Variants in IQCJ observed in about 807,000 individuals in gnomAD.
The protein encoded by IQCJ is IQ domain-containing protein J.
Under a neutral mutation model 11.0 loss-of-function variants are expected in IQCJ, and 9 were observed. The ratio of observed to expected loss-of-function variants is 0.82; its 90% CI spans 0.49 to 1.43. The LOEUF (loss-of-function observed/expected upper bound fraction) is 1.43. Ranked by LOEUF, IQCJ falls within the 40% of genes most tolerant of loss-of-function variation. IQCJ has a pLI of 0.00. For missense variants in IQCJ, 146 were observed against 133.2 expected (o/e 1.10, Z -0.47); for synonymous variants, 55 against 51.3 (o/e 1.07, Z -0.31).
At chr3:159,142,797 G>A (rs1049185847) in intron 1 of IQCJ, among the ~76,000 whole-genome samples, 15 of 151,660 alleles carry the variant, frequency 9.9e-5, no homozygotes, top group African/African-American at 3.6e-4. Context: ...ACATAATATT[G>A]GCTTTCTCAC....
chr3:159,244,998 T>C (rs112284108), intron 1 of IQCJ, among the ~76,000 whole-genome samples: 2 of 152,252 alleles, frequency 1.3e-5, no homozygotes, highest in African/African-American at 2.4e-5. Flanking sequence ...CCTGCCATGA[T>C]TGATAAGACT....
At chr3:159,235,422 T>G (rs1422356156) in intron 1 of IQCJ, among the ~76,000 whole-genome samples, 1 of 152,186 alleles carries the variant, frequency 6.6e-6, no homozygotes, top group African/African-American at 2.4e-5. Context: ...CTAGCAAAAG[T>G]TTTGAGACCA....
intron 1 of IQCJ, among the ~76,000 whole-genome samples, chr3:159,232,947 A>G (rs534823215): frequency 2.0e-5 from 3 of 152,276 alleles, no homozygotes; most frequent in African/African-American, 7.2e-5. Flanking sequence ...GACAGATAGG[A>G]CTTAACATCC....
intron 1 of IQCJ, among the ~76,000 whole-genome samples, chr3:159,109,527 T>TAAAAAAA (rs3051445): frequency 0.16 from 19,181 of 121,108 alleles, 1,766 homozygotes; most frequent in Admixed American, 0.26. Context: ...TTGTATTAAC[T>TAAAAAAA]AAAAAAAAAA....
chr3:159,259,601 A>G (rs548384660), intron 3 of IQCJ, among the ~76,000 whole-genome samples: 1 of 152,356 alleles, frequency 6.6e-6, no homozygotes, highest in South Asian at 2.1e-4. Flanking sequence ...AGATGGTATT[A>G]AGACAGCTTA....
At chr3:159,207,974 T>C (rs1724749950) in intron 1 of IQCJ, among the ~76,000 whole-genome samples, 1 of 152,210 alleles carries the variant, frequency 6.6e-6, no homozygotes, top group Admixed American at 6.5e-5. Context: ...ATTAGGGCTA[T>C]GGTGCAGAGC....
At chr3:159,089,432 T>A (rs370440216) in intron 1 of IQCJ, among the ~76,000 whole-genome samples, 32 of 152,088 alleles carry the variant, frequency 2.1e-4, no homozygotes, top group Non-Finnish European at 3.1e-4. Flanking sequence ...ATCTTTGTGG[T>A]GTTCTCTGTA....
chr3:159,170,483 G>A (rs1029201691), intron 1 of IQCJ, among the ~76,000 whole-genome samples: 6 of 152,070 alleles, frequency 3.9e-5, no homozygotes, highest in Non-Finnish European at 7.4e-5. Flanking sequence ...AGTTTTGGCC[G>A]GTTTGCTATT....
At chr3:159,161,343 T>C (rs1721844110) in intron 1 of IQCJ, among the ~76,000 whole-genome samples, 1 of 152,254 alleles carries the variant, frequency 6.6e-6, no homozygotes, top group Non-Finnish European at 1.5e-5. Context: ...GAGAAGTGTC[T>C]GTTCATGTCC....
chr3:159,131,044 G>A (rs562454357), intron 1 of IQCJ, among the ~76,000 whole-genome samples: 2 of 152,258 alleles, frequency 1.3e-5, no homozygotes, highest in Non-Finnish European at 2.9e-5. Context: ...AGAAGGCAAA[G>A]TATGTAAAAG....
intron 1 of IQCJ, among the ~76,000 whole-genome samples, chr3:159,205,733 G>A (rs900111675): frequency 6.6e-6 from 1 of 152,200 alleles, no homozygotes; most frequent in African/African-American, 2.4e-5. Context: ...GCTATGTGGA[G>A]GGGTTTGCTT....
chr3:159,070,178 G>A (rs1413817066), intron 1 of IQCJ: 2 of 155,012 alleles, frequency 1.3e-5, no homozygotes, highest in Non-Finnish European at 2.9e-5. Flanking sequence ...CATTCACACT[G>A]TACATTTAGG....
At chr3:159,072,874 C>CA (rs1172710700) in intron 1 of IQCJ, among the ~76,000 whole-genome samples, 1 of 152,004 alleles carries the variant, frequency 6.6e-6, no homozygotes, top group Admixed American at 6.6e-5. Flanking sequence ...AGCCACTATA[C>CA]AAAAAAATCA....
At chr3:159,102,308 C>A (rs1254697953) in intron 1 of IQCJ, among the ~76,000 whole-genome samples, 1 of 152,098 alleles carries the variant, frequency 6.6e-6, no homozygotes, top group African/African-American at 2.4e-5. Context: ...TACAGTACAC[C>A]TTGGTAATAG....
At chr3:159,165,363 T>C (rs1050265315) in intron 1 of IQCJ, among the ~76,000 whole-genome samples, 2 of 152,200 alleles carry the variant, frequency 1.3e-5, no homozygotes, top group African/African-American at 4.8e-5. Flanking sequence ...TGAATACAAA[T>C]GCTCAACTCA....
intron 1 of IQCJ, among the ~76,000 whole-genome samples, chr3:159,091,652 A>ACACACACACACG (rs1370124980): frequency 6.2e-4 from 32 of 51,386 alleles, no homozygotes; most frequent in African/African-American, 2.0e-3. Flanking sequence ...GTATTTACAC[A>ACACACACACACG]CACACACACA....
chr3:159,238,474 G>T (rs1726722422), intron 1 of IQCJ, among the ~76,000 whole-genome samples: 1 of 152,104 alleles, frequency 6.6e-6, no homozygotes, highest in Admixed American at 6.5e-5. Flanking sequence ...TTTCCTCTTA[G>T]AATAACACAT....
chr3:159,137,378 G>GAGTGAAGGTTAC (rs1180705126), intron 1 of IQCJ, among the ~76,000 whole-genome samples: 3 of 151,932 alleles, frequency 2.0e-5, no homozygotes, highest in African/African-American at 7.3e-5. Flanking sequence ...ACACTTCTTT[G>GAGTGAAGGTTAC]AGTGAAGGTT....
At chr3:159,235,508 T>C (rs886312681) in intron 1 of IQCJ, among the ~76,000 whole-genome samples, 46 of 152,336 alleles carry the variant, frequency 3.0e-4, no homozygotes, top group African/African-American at 9.1e-4. Context: ...GGCTGGCTTA[T>C]CCTGTCTAAC....
Sources: gnomAD v4.1 joint callset for allele counts (sites outside exome capture counted in the v4.1 genomes callset) on GRCh38, gnomAD v4.1.1 for gene constraint, MANE v1.5 for transcripts, NCBI Gene and HGNC (gene_info 2026-07-23, HGNC 2026-07-21) for gene names.